RNF115: variants seen among roughly 807,000 people sequenced by gnomAD.
RNF115 encodes ring finger protein 115.
In RNF115, 31 loss-of-function variants were observed where a neutral mutation model predicts 39.2. That is an observed-to-expected ratio of 0.79 (90% CI 0.59 to 1.07). RNF115 has a LOEUF of 1.07. Among genes scored for constraint, RNF115 ranks in the 50% least tolerant of loss-of-function variants. The pLI, the probability that RNF115 is intolerant of heterozygous loss-of-function variation, is 0.00. For synonymous variants in RNF115, 124 were observed against 131.0 expected (o/e 0.95, Z 0.37); for missense variants, 384 against 381.7 (o/e 1.01, Z -0.05).
chr1:145,771,442 T>C (rs587597191), intron 4 of RNF115, among the ~76,000 whole-genome samples: 14 of 152,344 alleles, frequency 9.2e-5, no homozygotes, highest in East Asian at 1.9e-4. Flanking sequence ...TATTCTGCTA[T>C]AGCTGCACAA....
rs1657830222 is a variant in RNF115, at chr1:145,745,321, C to T, written c.*1545G>A. On this transcript the variant is annotated 3_prime_UTR_variant, in exon 9 of 9. Transcript: ENST00000582693. ...ATTACCCAGGCATGGTGGCACACGC[C>T]TGTAGTCCCAGCCACTTGGTAGGCT... The T allele has an allele frequency of 1.3e-5, 2 of 152,344 alleles. No homozygotes were observed. Among genetic ancestry groups the T allele is most frequent in the African/African-American group, 2.4e-5 (1 of 41,434 alleles). 9.4% of individuals were successfully genotyped at this position (152,344 alleles called of 1,614,324 possible).
At chr1:145,750,292 C>T in intron 7 of RNF115, 115 bp downstream of exon 7, 12 of 829,570 alleles carry the variant, frequency 1.4e-5, no homozygotes, top group Admixed American at 8.3e-5. Flanking sequence ...GATTTTTTTT[C>T]TTATTTTTTT....
intron 4 of RNF115, among the ~76,000 whole-genome samples, chr1:145,754,563 G>A (rs587613540): frequency 5.3e-5 from 8 of 151,982 alleles, no homozygotes; most frequent in East Asian, 1.9e-4. Flanking sequence ...CATGTTGGCC[G>A]GGCTGTCAAG....
rs1254080926 is a variant in RNF115 at position 145,746,700 on chromosome 1, T to C, written c.*166A>G. The stretch of plus-strand genomic sequence containing the variant: ...TTGGTTGTAGATACAATTCCATCTG[T>C]AGATACTAACTTTAAATTTAAAGAA... On this transcript the variant is annotated 3_prime_UTR_variant, in exon 9 of 9. Coordinates refer to ENST00000582693, the MANE Select transcript of RNF115 (RefSeq NM_014455.4). 1.1e-5 allele frequency: 7 copies of C among 657,370 alleles called. No individual in the cohort carries two copies. In the South Asian group the frequency reaches 1.6e-4, roughly 15 times the overall value. The allele number at this position is 657,370 out of a possible 1,614,324, so 40.7% of individuals were successfully genotyped here.
chr1:145,814,761 A>G (rs1356069838), intron 1 of RNF115, among the ~76,000 whole-genome samples: 1 of 152,196 alleles, frequency 6.6e-6, no homozygotes, highest in African/African-American at 2.4e-5. Flanking sequence ...TATATTTATC[A>G]GTAGAATTAC....
At chr1:145,821,469 T>C (rs1650235815) in intron 1 of RNF115, among the ~76,000 whole-genome samples, 1 of 98,836 alleles carries the variant, frequency 1.0e-5, no homozygotes, top group Admixed American at 1.1e-4. Flanking sequence ...TTTTTTTTTT[T>C]TTTTTTTTTT....
At chr1:145,773,619 G>T (rs1456659577) in intron 3 of RNF115, 1 of 152,132 alleles carries the variant, frequency 6.6e-6, no homozygotes, top group Non-Finnish European at 1.5e-5. Context: ...ACAAGCCAGA[G>T]GTGAAAGCTA....
chr1:145,757,084 C>T (rs1485349723), intron 4 of RNF115, among the ~76,000 whole-genome samples: 1 of 152,068 alleles, frequency 6.6e-6, no homozygotes, highest in Non-Finnish European at 1.5e-5. Context: ...GATCCTCCCA[C>T]CTTGGCCTCC....
intron 1 of RNF115, among the ~76,000 whole-genome samples, chr1:145,808,457 T>C (rs1553721962): frequency 6.6e-6 from 1 of 152,206 alleles, no homozygotes; most frequent in Non-Finnish European, 1.5e-5. Context: ...AAGCACTGTT[T>C]CATATACCTG....
intron 1 of RNF115, among the ~76,000 whole-genome samples, chr1:145,805,928 G>A (rs1322864300): frequency 1.3e-5 from 2 of 152,108 alleles, no homozygotes; most frequent in Non-Finnish European, 2.9e-5. Flanking sequence ...AAAAAGGGCT[G>A]ACAACAGTTG....
chr1:145,815,685 T>C (rs1553723439), intron 1 of RNF115, among the ~76,000 whole-genome samples: 1 of 151,584 alleles, frequency 6.6e-6, no homozygotes, highest in Non-Finnish European at 1.5e-5. Context: ...GTTTCTGCTA[T>C]GGTTTTGAAA....
Sources: gnomAD v4.1 joint callset for allele counts (sites outside exome capture counted in the v4.1 genomes callset) on GRCh38, gnomAD v4.1.1 for gene constraint, MANE v1.5 for transcripts, NCBI Gene and HGNC (gene_info 2026-07-23, HGNC 2026-07-21) for gene names.